Variants in NSRP1 observed in about 807,000 individuals in gnomAD.
NSRP1 encodes coiled-coil domain containing 55.
A neutral mutation model predicts 54.7 loss-of-function variants in NSRP1; 24 were observed. The observed-to-expected ratio is 0.44, with a 90% CI of 0.32 to 0.62. NSRP1 has a LOEUF of 0.62. NSRP1 is among the 20% of genes least tolerant of loss of function. NSRP1 has a pLI of 0.06. For missense variants in NSRP1, 596 were observed against 651.2 expected (o/e 0.92, Z 0.92); for synonymous variants, 210 against 213.8 (o/e 0.98, Z 0.15).
intron 2 of NSRP1, among the ~76,000 whole-genome samples, chr17:30,144,975 AATTAT>A (rs751579107): frequency 2.6e-5 from 4 of 152,062 alleles, no homozygotes; most frequent in South Asian, 2.1e-4. Context: ...TATACTTTTA[AATTAT>A]ATTTTGTTTT....
chr17:30,164,999 T>C (rs949775656), intron 2 of NSRP1, among the ~76,000 whole-genome samples: 1 of 152,232 alleles, frequency 6.6e-6, no homozygotes, highest in African/African-American at 2.4e-5. Flanking sequence ...TAAGCTAATA[T>C]ATTTTGTGGC....
intron 1 of NSRP1, among the ~76,000 whole-genome samples, chr17:30,117,648 T>G (rs749289870): frequency 2.6e-5 from 4 of 152,002 alleles, no homozygotes; most frequent in Non-Finnish European, 4.4e-5. Context: ...ACTGTGTAAG[T>G]ACACAGTAGG....
intron 2 of NSRP1, among the ~76,000 whole-genome samples, chr17:30,170,548 T>C (rs1904892113): frequency 6.6e-6 from 1 of 152,196 alleles, no homozygotes; most frequent in African/African-American, 2.4e-5. Flanking sequence ...TTTTTCTTTT[T>C]GTGTCTGGCT....
chr17:30,176,337 G>T (rs778473492), intron 3 of NSRP1, among the ~76,000 whole-genome samples: 7 of 152,152 alleles, frequency 4.6e-5, no homozygotes, highest in Non-Finnish European at 8.8e-5. Context: ...CTGGCCGGGT[G>T]CAGTGGCTCA....
In NSRP1 at chr17:30,184,631, G is replaced by A; in HGVS notation, c.634G>A (p.Glu212Lys). Residue 212 changes from glutamate (E) to lysine (K), a missense_variant, in exon 7 of 7, where the codon GAA becomes AAA. By Grantham distance (56) the Glu-to-Lys change is moderately conservative. Coordinates refer to ENST00000247026, the MANE Select transcript of NSRP1 (RefSeq NM_032141.4). ...GTTTCTAAGATCTGGTATAAAGGAA[G>A]AAAAATCAAGGGGCTTCTCCAATGA... ...FREARSGIKE[E>K]KSRGFSNEVS... The A allele has an allele frequency of 1.3e-6, 2 of 1,562,598 alleles. No individual in the cohort carries two copies. Among genetic ancestry groups the A allele is most frequent in the Non-Finnish European group, 1.7e-6 (2 of 1,156,766 alleles).
intron 2 of NSRP1, among the ~76,000 whole-genome samples, chr17:30,147,992 T>G (rs1224164183): frequency 6.6e-6 from 1 of 152,034 alleles, no homozygotes; most frequent in East Asian, 1.9e-4. Context: ...TTTGTATTTT[T>G]GGTAGAGTTG....
intron 2 of NSRP1, among the ~76,000 whole-genome samples, chr17:30,171,495 G>A (rs1487484864): frequency 6.6e-6 from 1 of 151,856 alleles, no homozygotes; most frequent in Admixed American, 6.6e-5. Flanking sequence ...CAGTAGAGAC[G>A]GGGTTTCACC....
At chr17:30,143,415 A>T (rs2071824155) in intron 2 of NSRP1, among the ~76,000 whole-genome samples, 1 of 152,238 alleles carries the variant, frequency 6.6e-6, no homozygotes, top group African/African-American at 2.4e-5. Flanking sequence ...TGTATTTATA[A>T]CTGAACTCTA....
At chr17:30,178,277 G>T (rs1328558656) in intron 4 of NSRP1, 78 bp downstream of exon 4, 2 of 1,500,376 alleles carry the variant, frequency 1.3e-6, no homozygotes, top group South Asian at 2.7e-5. Flanking sequence ...ACATGAGAAT[G>T]ATCTGAGAAA....
chr17:30,173,729 G>A (rs1160212551), intron 3 of NSRP1, among the ~76,000 whole-genome samples: 1 of 152,114 alleles, frequency 6.6e-6, no homozygotes, highest in East Asian at 1.9e-4. Context: ...TTATAGTTAA[G>A]GAAATGAAGG....
chr17:30,146,295 ACT>A (rs1353311128), intron 2 of NSRP1, among the ~76,000 whole-genome samples: 1 of 150,738 alleles, frequency 6.6e-6, no homozygotes, highest in Non-Finnish European at 1.5e-5. Flanking sequence ...CAAAATTAAA[ACT>A]CTTCTGAGAT....
chr17:30,172,483 G>A (rs905316270), intron 2 of NSRP1, 59 bp from the exon 3 acceptor site: 33 of 1,404,566 alleles, frequency 2.3e-5, no homozygotes, highest in Non-Finnish European at 2.8e-5. Flanking sequence ...GGGGACGCTC[G>A]TACTGGAAAA....
chr17:30,184,674 G>T lies in NSRP1; in HGVS notation c.677G>T (p.Arg226Ile). Residue 226 changes from arginine to isoleucine, a missense_variant, in exon 7 of 7, where the codon AGA becomes ATA. Arg to Ile is a moderately conservative substitution (Grantham distance 97). Coordinates refer to ENST00000247026, the MANE Select transcript of NSRP1 (RefSeq NM_032141.4). The stretch of plus-strand genomic sequence containing the variant: ...TCCAATGAAGTAAGTTCAAAAAACA[G>T]AATACCACAAGAGAAATGCATTCTT... The part of the protein sequence containing the change: ...GFSNEVSSKN[R>I]IPQEKCILQT... 1 of 1,606,798 alleles carries T rather than the reference G, an allele frequency of 6.2e-7. No homozygotes were observed. The highest frequency in any genetic ancestry group is 8.5e-7 in the Non-Finnish European group (1 of 1,177,198).
chr17:30,124,019 C>T (rs888723684), intron 2 of NSRP1, among the ~76,000 whole-genome samples: 2 of 152,086 alleles, frequency 1.3e-5, no homozygotes, highest in South Asian at 4.1e-4. Flanking sequence ...CATGCCTGTA[C>T]CCTCATGCAC....
chr17:30,142,938 T>C (rs2071819214), intron 2 of NSRP1, among the ~76,000 whole-genome samples: 1 of 152,226 alleles, frequency 6.6e-6, no homozygotes, highest in South Asian at 2.1e-4. Flanking sequence ...GTTATTGTTT[T>C]ATTTGGTTTG....
intron 2 of NSRP1, among the ~76,000 whole-genome samples, chr17:30,119,393 A>G (rs888968739): frequency 1.4e-4 from 21 of 151,544 alleles, no homozygotes; most frequent in African/African-American, 4.6e-4. Flanking sequence ...TTATATTTTT[A>G]GGAGAGACGG....
chr17:30,139,561 TTAAGTCGCA>T (rs1191517607), intron 2 of NSRP1, among the ~76,000 whole-genome samples: 1 of 152,188 alleles, frequency 6.6e-6, no homozygotes, highest in Non-Finnish European at 1.5e-5. Context: ...GTGTTTGCTA[TTAAGTCGCA>T]TTGGCCTGTA....
chr17:30,158,421 C>T lies in NSRP1; in HGVS notation c.115-14121C>T, dbSNP rs147648558. Among the ~76,000 whole-genome samples, 33 of 151,138 alleles carry T rather than the reference C, an allele frequency of 2.2e-4. No individual in the cohort carries two copies. In the East Asian group the frequency reaches 4.9e-3, roughly 22 times the overall value. ...TTTTCTCTCATTCATCAGGTTGTCT[C>T]TTCTGCTGAGGGTTTTCTTTGCTGT... On this transcript the variant is annotated intron_variant, in intron 2 of 6. Transcript: ENST00000247026.
At chr17:30,140,831 G>T (rs141818716) in intron 2 of NSRP1, among the ~76,000 whole-genome samples, 104 of 151,906 alleles carry the variant, frequency 6.8e-4, no homozygotes, top group Middle Eastern at 3.4e-3. Context: ...TCCGGCCCCA[G>T]ATTTTACTTT....
Sources: allele counts gnomAD v4.1 joint callset (sites outside exome capture counted in the v4.1 genomes callset), GRCh38; gene constraint gnomAD v4.1.1; transcripts MANE v1.5; gene names NCBI Gene and HGNC (gene_info 2026-07-23, HGNC 2026-07-21).